The following DLC1 variants were observed in gnomAD, a reference collection of about 807,000 sequenced individuals.
DLC1 encodes the protein DLC1 Rho GTPase activating protein, also known as rho GTPase-activating protein 7.
DLC1 carries 54 observed loss-of-function variants against 140.3 expected under a neutral mutation model. The observed-to-expected ratio is 0.38, with a 90% CI of 0.31 to 0.48. DLC1 has a LOEUF of 0.48. DLC1 is among the 20% of genes least tolerant of loss of function. DLC1 has a pLI of 0.96. For missense variants in DLC1, 2,536 were observed against 1,907.0 expected, an observed-to-expected ratio of 1.33 and a Z score of -6.14; for synonymous variants, 986 against 728.1, an observed-to-expected ratio of 1.35 and a Z score of -5.70.
chr8:13,479,404 A>C (rs1005759042), intron 2 of DLC1, among the ~76,000 whole-genome samples: 1 of 152,220 alleles, frequency 6.6e-6, no homozygotes, highest in South Asian at 2.1e-4. Context: ...GTTAAGAGAC[A>C]TAGATACAAG....
chr8:13,241,786 C>T, intron 5 of DLC1, among the ~76,000 whole-genome samples: 1 of 152,148 alleles, frequency 6.6e-6, no homozygotes, highest in Non-Finnish European at 1.5e-5. Context: ...CATTAACACG[C>T]TGCTCACTAT....
chr8:13,476,099 C>T (rs1286336368), intron 2 of DLC1, among the ~76,000 whole-genome samples: 2 of 152,176 alleles, frequency 1.3e-5, no homozygotes, highest in Admixed American at 1.3e-4. Flanking sequence ...GAGGAAAATA[C>T]ATCCGGTTGA....
chr8:13,389,629 C>G (rs1836666268), intron 4 of DLC1, among the ~76,000 whole-genome samples: 1 of 152,084 alleles, frequency 6.6e-6, no homozygotes, highest in Non-Finnish European at 1.5e-5. Flanking sequence ...ATGATCTACA[C>G]ATAGAATTAA....
intron 1 of DLC1, chr8:13,557,697 T>C (rs1188092039): frequency 5.9e-5 from 9 of 152,524 alleles, no homozygotes; most frequent in African/African-American, 2.2e-4. Context: ...TGATTATAAG[T>C]TTCCTGAGGC....
At chr8:13,402,821 C>G (rs1837358680) in intron 2 of DLC1, among the ~76,000 whole-genome samples, 1 of 152,096 alleles carries the variant, frequency 6.6e-6, no homozygotes, top group Admixed American at 6.5e-5. Flanking sequence ...CCCCCAGCCA[C>G]CATTAAAAGG....
intron 2 of DLC1, among the ~76,000 whole-genome samples, chr8:13,428,795 T>G (rs755948279): frequency 2.6e-4 from 39 of 152,218 alleles, no homozygotes; most frequent in Non-Finnish European, 4.7e-4. Context: ...TTTTTCTCAA[T>G]GTATACCATT....
At chr8:13,395,421 C>G (rs1836995773) in intron 3 of DLC1, among the ~76,000 whole-genome samples, 1 of 152,040 alleles carries the variant, frequency 6.6e-6, no homozygotes, top group African/African-American at 2.4e-5. Context: ...CACCCAGCCT[C>G]TTTATAATTC....
intron 5 of DLC1, among the ~76,000 whole-genome samples, chr8:13,172,635 T>G (rs1207785719): frequency 1.3e-5 from 2 of 152,230 alleles, no homozygotes; most frequent in Non-Finnish European, 2.9e-5. Context: ...GGATTTGAAC[T>G]TGCCAGATTT....
At chr8:13,548,846 T>C (rs982235481) in intron 1 of DLC1, among the ~76,000 whole-genome samples, 7 of 152,034 alleles carry the variant, frequency 4.6e-5, no homozygotes, top group African/African-American at 1.4e-4. Flanking sequence ...TCACTTACAT[T>C]TCTGACAACA....
chr8:13,091,462 G>C (rs778484856), intron 13 of DLC1, 30 bp from the exon 14 acceptor site: 3 of 1,562,872 alleles, frequency 1.9e-6, no homozygotes, highest in Non-Finnish European at 2.6e-6. Context: ...GAGGGGAACA[G>C]TTCAAATATT....
intron 4 of DLC1, among the ~76,000 whole-genome samples, chr8:13,354,903 C>T (rs1462369480): frequency 4.7e-5 from 7 of 147,726 alleles, no homozygotes; most frequent in Non-Finnish European, 7.4e-5. Context: ...TGCAGCGGGC[C>T]GAGAATACCA....
chr8:13,157,325 G>A (rs1824323982), intron 5 of DLC1, among the ~76,000 whole-genome samples: 1 of 152,156 alleles, frequency 6.6e-6, no homozygotes, highest in Non-Finnish European at 1.5e-5. Flanking sequence ...GAAAGTACAG[G>A]AGCAAAAAGT....
At chr8:13,341,462 C>A (rs555973188) in intron 4 of DLC1, 1 of 152,126 alleles carries the variant, frequency 6.6e-6, no homozygotes, top group Non-Finnish European at 1.5e-5. Flanking sequence ...GTTTCTGATT[C>A]ACTAGGTTTG....
chr8:13,358,990 G>A (rs940029343), intron 4 of DLC1, among the ~76,000 whole-genome samples: 4 of 114,770 alleles, frequency 3.5e-5, no homozygotes, highest in Non-Finnish European at 7.0e-5. Context: ...CCACGCTGGA[G>A]TGCAGTGGCG....
rs1398046997 is a variant in DLC1 at position 13,100,367 on chromosome 8, T to C, written c.1970A>G (p.Glu657Gly). The change falls in exon 9 of 18, where the codon GAA (glutamate) becomes GGA (glycine). Residue 657 changes from glutamate to glycine, a missense_variant. Glu to Gly is a moderately conservative substitution (Grantham distance 98, BLOSUM62 -2). Transcript: ENST00000276297. ...SSFSFSMKGHEKTAKSKTRSL... is the reference protein window; with the variant it reads ...SSFSFSMKGHGKTAKSKTRSL... Reference sequence around the variant, plus strand: ...GCGCGTCTTGGACTTGGCAGTTTTTTCGTGGCCTTTCATGCTGAAGCTGAA... The same window carrying C: ...GCGCGTCTTGGACTTGGCAGTTTTTCCGTGGCCTTTCATGCTGAAGCTGAA... The C allele has an allele frequency of 1.2e-6, 2 of 1,614,106 alleles. No individual in the cohort carries two copies. The highest frequency in any genetic ancestry group is 2.7e-5 in the African/African-American group (2 of 74,946).
At chr8:13,479,850 G>GA (rs879593667) in intron 2 of DLC1, among the ~76,000 whole-genome samples, 3 of 18,206 alleles carry the variant, frequency 1.6e-4, no homozygotes, top group Admixed American at 7.9e-4. Flanking sequence ...AGAAGAAGAA[G>GA]AAGAAGAAGA....
At chr8:13,408,543 T>C (rs1328270230) in intron 2 of DLC1, among the ~76,000 whole-genome samples, 2 of 152,218 alleles carry the variant, frequency 1.3e-5, no homozygotes, top group Non-Finnish European at 2.9e-5. Context: ...CAGCTCGTCC[T>C]GAGAAGTGTT....
rs141323719 is a variant in DLC1, at chr8:13,565,154, T to C, written c.-126+39383A>G. Among the ~76,000 whole-genome samples, 1,296 of 152,282 alleles carry C rather than the reference T, an allele frequency of 8.5e-3. 20 individuals carry two copies. The highest frequency in any genetic ancestry group is 0.029 in the African/African-American group (1,215 of 41,540). ...AAACTGTCCACTGGGTCACGCTGAA[T>C]ATTACAAGGAAATTAATTATAGAAT... is the stretch of plus-strand genomic sequence containing the variant. On this transcript the variant is annotated intron_variant, in intron 1 of 1. Transcript: ENST00000631382.
intron 5 of DLC1, among the ~76,000 whole-genome samples, chr8:13,203,600 C>G (rs1161349993): frequency 6.6e-6 from 1 of 152,198 alleles, no homozygotes; most frequent in African/African-American, 2.4e-5. Context: ...TTTTGATAGA[C>G]TAGTTTTCCA....
Sources: allele counts gnomAD v4.1 joint callset (sites outside exome capture counted in the v4.1 genomes callset), GRCh38; gene constraint gnomAD v4.1.1; transcripts MANE v1.5; gene names NCBI Gene and HGNC (gene_info 2026-07-23, HGNC 2026-07-21).